The following GRIP1 variants were observed in gnomAD, a reference collection of about 807,000 sequenced individuals.
GRIP1 encodes glutamate receptor-interacting protein 1.
Under a neutral mutation model 129.9 loss-of-function variants are expected in GRIP1, and 45 were observed. That is an observed-to-expected ratio of 0.35 (90% CI 0.27 to 0.44). GRIP1 has a LOEUF of 0.44. GRIP1 is among the 20% of genes least tolerant of loss of function. GRIP1 has a pLI of 1.00. For synonymous variants in GRIP1, 530 were observed against 520.8 expected, an observed-to-expected ratio of 1.02 and a Z score of -0.24; for missense variants, 1,196 against 1,396.8, an observed-to-expected ratio of 0.86 and a Z score of 2.29.
In GRIP1 at chr12:66,392,351, A is replaced by T. The variant is rs1431117162; in HGVS notation, c.2421T>A (p.Asp807Glu). ...TGTCTATTGCAGACCCATCCCATGA[A>T]TCCACAGCACTGTCCACACTGGGCA... ...STVPSVDSAV[D>E]SWDGSAIDTS... is the part of the protein sequence containing the mutation. The change falls in exon 19 of 25, where the codon GAT (aspartate) becomes GAA (glutamate). Residue 807 changes from aspartate to glutamate, a missense_variant. Physicochemically the swap from Asp to Glu is conservative, Grantham distance 45 (BLOSUM62 2). Around this residue, in one of 5 missense-constraint regions of GRIP1, gnomAD observed 427 missense variants for 463.3 expected, o/e 0.92. Coordinates refer to ENST00000359742, the MANE Select transcript of GRIP1 (RefSeq NM_001366722.1). 3 of 1,613,610 alleles carry T rather than the reference A, an allele frequency of 1.9e-6. No individual in the cohort carries two copies. In the Admixed American group the frequency reaches 5.0e-5, roughly 27 times the overall value.
intron 20 of GRIP1, among the ~76,000 whole-genome samples, chr12:66,378,834 C>G (rs574620927): frequency 1.5e-4 from 23 of 152,168 alleles, no homozygotes; most frequent in Non-Finnish European, 2.4e-4. Flanking sequence ...ATAATCCCAG[C>G]TACTCAGGAG....
Position 66,371,912 on chromosome 12 carries a change from C to G in GRIP1, c.2794G>C (p.Gly932Arg). 6.2e-7 allele frequency: 1 copy of G among 1,609,774 alleles called. No individual in the cohort carries two copies. The highest frequency in any genetic ancestry group is 8.5e-7 in the Non-Finnish European group (1 of 1,178,120). The change falls in exon 23 of 25, where the codon GGG (glycine) becomes CGG (arginine). Residue 932 changes from glycine (G) to arginine (R), a missense_variant. Around this residue, in one of 5 missense-constraint regions of GRIP1, gnomAD observed 427 missense variants for 463.3 expected, o/e 0.92. Transcript: ENST00000359742. ...TCATGATTCAAACTCATCGTGCTCCCCGACATGATTGTTGCCTGTGGCATT... is the reference window on the plus strand; with the variant it reads ...TCATGATTCAAACTCATCGTGCTCCGCGACATGATTGTTGCCTGTGGCATT... ...NMTLLATIMS[G>R]STMSLNHEAP...
intron 1 of GRIP1, among the ~76,000 whole-genome samples, chr12:66,955,860 A>G (rs2041832679): frequency 6.6e-6 from 1 of 152,242 alleles, no homozygotes; most frequent in African/African-American, 2.4e-5. Flanking sequence ...TGAAAGCTCT[A>G]CAAGGGAAAG....
intron 23 of GRIP1, among the ~76,000 whole-genome samples, chr12:66,366,959 T>C (rs1382421603): frequency 3.3e-5 from 5 of 152,188 alleles, no homozygotes; most frequent in Admixed American, 2.6e-4. Context: ...ACTGGGATTA[T>C]AGGTGTGAGC....
chr12:66,600,324 T>C (rs868056496), intron 1 of GRIP1, among the ~76,000 whole-genome samples: 1 of 152,158 alleles, frequency 6.6e-6, no homozygotes, highest in South Asian at 2.1e-4. Context: ...AGATACTAAA[T>C]AGGCTTTCAA....
rs138351136 is a variant in GRIP1, at chr12:67,057,949, T to C, written c.58+11101A>G. Among the ~76,000 whole-genome samples, 37 of 152,260 alleles carry C rather than the reference T, an allele frequency of 2.4e-4. 1 individual carries two copies. Among genetic ancestry groups the C allele is most frequent in the Admixed American group, 2.4e-3 (37 of 15,292 alleles). On this transcript the variant is annotated intron_variant, in intron 1 of 1. Coordinates refer to the GRIP1 transcript ENST00000643019. ...TGAATTCATCTGTAAAATGCAATTC[T>C]AAATGCCACTTTTTTAAATCAACAA...
chr12:66,750,374 T>G lies in GRIP1; in HGVS notation c.-420+53679A>C, dbSNP rs182710291. On this transcript the variant is annotated intron_variant, in intron 1 of 4. Coordinates refer to the GRIP1 transcript ENST00000538373. ...TTTCAGTGAAGAAATCCTCCTCTTTTGTGTGTCCCCTTTTTATAGGTAAAG... is the reference window on the plus strand; with the variant it reads ...TTTCAGTGAAGAAATCCTCCTCTTTGGTGTGTCCCCTTTTTATAGGTAAAG... 2.2e-3 allele frequency among the ~76,000 whole-genome samples: 338 copies of G among 152,288 alleles called. 1 individual carries two copies. Among genetic ancestry groups the G allele is most frequent in the African/African-American group, 7.8e-3 (326 of 41,574 alleles).
chr12:66,561,927 C>T (rs182672830), intron 2 of GRIP1, among the ~76,000 whole-genome samples: 25 of 151,962 alleles, frequency 1.6e-4, no homozygotes, highest in Non-Finnish European at 3.2e-4. Flanking sequence ...AACTCTGTCT[C>T]TACAAAAAGA....
At chr12:66,775,357 T>C (rs2037946444) in intron 1 of GRIP1, among the ~76,000 whole-genome samples, 1 of 152,224 alleles carries the variant, frequency 6.6e-6, no homozygotes, top group Non-Finnish European at 1.5e-5. Flanking sequence ...AGAGGAGTCA[T>C]CAGTTGGCAT....
At chr12:67,021,940 T>C (rs2042873155) in intron 1 of GRIP1, among the ~76,000 whole-genome samples, 1 of 152,196 alleles carries the variant, frequency 6.6e-6, no homozygotes, top group Non-Finnish European at 1.5e-5. Context: ...TCACTCAACA[T>C]GATATCCTCC....
intron 7 of GRIP1, among the ~76,000 whole-genome samples, chr12:66,483,253 A>C (rs1241090251): frequency 6.6e-6 from 1 of 152,182 alleles, no homozygotes; most frequent in African/African-American, 2.4e-5. Context: ...TATTCATATA[A>C]TGCTATTAAT....
At chr12:66,855,559 G>A (rs1387497235) in intron 1 of GRIP1, among the ~76,000 whole-genome samples, 1 of 151,958 alleles carries the variant, frequency 6.6e-6, no homozygotes, top group Non-Finnish European at 1.5e-5. Context: ...AATTTAGAGT[G>A]TATTTTCAAA....
intron 1 of GRIP1, among the ~76,000 whole-genome samples, chr12:66,875,445 C>T (rs11176472): frequency 0.072 from 10,935 of 152,104 alleles, 531 homozygotes; most frequent in East Asian, 0.27. Flanking sequence ...GCTGCAAAAT[C>T]CCATCTTCAT....
At chr12:66,401,399 A>G (rs1227630400) in intron 16 of GRIP1, among the ~76,000 whole-genome samples, 1 of 151,708 alleles carries the variant, frequency 6.6e-6, no homozygotes, top group Non-Finnish European at 1.5e-5. Flanking sequence ...CCAACATGGC[A>G]AAACTCCATC....
At chr12:66,605,183 CTG>C (rs1392380405) in intron 1 of GRIP1, among the ~76,000 whole-genome samples, 7 of 151,794 alleles carry the variant, frequency 4.6e-5, no homozygotes, top group African/African-American at 7.3e-5. Flanking sequence ...ATGGAAAAGA[CTG>C]AAAGTGATTT....
intron 1 of GRIP1, among the ~76,000 whole-genome samples, chr12:66,785,021 T>C (rs994782567): frequency 6.6e-5 from 10 of 152,110 alleles, no homozygotes; most frequent in Admixed American, 6.6e-4. Flanking sequence ...TTATCACATC[T>C]GAAAGCTGAT....
intron 1 of GRIP1, among the ~76,000 whole-genome samples, chr12:66,892,701 C>T (rs1241867297): frequency 1.3e-5 from 2 of 152,172 alleles, no homozygotes; most frequent in Non-Finnish European, 2.9e-5. Context: ...GTAGCTCACA[C>T]GTGCAATCCC....
At chr12:66,821,974 G>A (rs1244184048) in intron 1 of GRIP1, among the ~76,000 whole-genome samples, 1 of 151,876 alleles carries the variant, frequency 6.6e-6, no homozygotes, top group Non-Finnish European at 1.5e-5. Context: ...ATAGAATAGG[G>A]GCCAAGTGAT....
intron 1 of GRIP1, among the ~76,000 whole-genome samples, chr12:66,834,965 G>T (rs1304916959): frequency 2.7e-5 from 4 of 149,136 alleles, no homozygotes; most frequent in Non-Finnish European, 5.9e-5. Context: ...GGGGAGGAAA[G>T]AATTGATAAG....
Sources: gnomAD v4.1 joint callset for allele counts (sites outside exome capture counted in the v4.1 genomes callset) on GRCh38, gnomAD v4.1.1 for gene constraint, gnomAD v4.1.1 regional missense constraint, MANE v1.5 for transcripts, NCBI Gene and HGNC (gene_info 2026-07-23, HGNC 2026-07-21) for gene names.